Variants in IGF1R observed in about 807,000 individuals in gnomAD.
The protein encoded by IGF1R is insulin like growth factor 1 receptor.
IGF1R carries 44 observed loss-of-function variants against 144.6 expected under a neutral mutation model. The ratio of observed to expected loss-of-function variants is 0.30; its 90% CI spans 0.24 to 0.39. The LOEUF is 0.39. Ranked by LOEUF, IGF1R falls within the 10% of genes least tolerant of loss-of-function variation. IGF1R has a pLI of 1.00. For synonymous variants in IGF1R, 795 were observed against 722.8 expected, an observed-to-expected ratio of 1.10 and a Z score of -1.60; for missense variants, 1,355 against 1,833.7, an observed-to-expected ratio of 0.74 and a Z score of 4.77.
At chr15:98,668,131 C>G (rs2052791843) in intron 1 of IGF1R, among the ~76,000 whole-genome samples, 1 of 152,118 alleles carries the variant, frequency 6.6e-6, no homozygotes, top group Admixed American at 6.5e-5. Context: ...CATGTGTCCT[C>G]ACAGGGTGGA....
intron 2 of IGF1R, among the ~76,000 whole-genome samples, chr15:98,748,476 G>C (rs989836477): frequency 4.6e-5 from 7 of 152,178 alleles, no homozygotes; most frequent in Non-Finnish European, 8.8e-5. Flanking sequence ...CATGCAGTCC[G>C]TGTACACTTT....
intron 1 of IGF1R, among the ~76,000 whole-genome samples, chr15:98,698,273 G>A (rs1351879202): frequency 2.0e-5 from 3 of 151,726 alleles, no homozygotes; most frequent in Non-Finnish European, 2.9e-5. Flanking sequence ...TCCTGACCTC[G>A]TGATCCGCCT....
intron 18 of IGF1R, among the ~76,000 whole-genome samples, chr15:98,939,972 C>T (rs900910637): frequency 6.6e-6 from 1 of 152,224 alleles, no homozygotes; most frequent in African/African-American, 2.4e-5. Flanking sequence ...GCTCACCAGC[C>T]TACTGGTTAG....
chr15:98,702,033 GTT>G (rs35793845), intron 1 of IGF1R, among the ~76,000 whole-genome samples: 2 of 108,714 alleles, frequency 1.8e-5, no homozygotes, highest in Non-Finnish European at 3.5e-5. Context: ...GAGTCACGCT[GTT>G]TTTTTTTTTT....
rs759861876 is a variant in IGF1R, at chr15:98,922,309, C to G, written c.2363C>G (p.Thr788Ser). ...FESRVDNKER[T>S]VISNLRPFTL... ...AGCAGAGTGGATAACAAGGAGAGAA[C>G]TGTCATTTCTAACCTTCGGCCTTTC... The change falls in exon 11 of 21, where the codon ACT becomes AGT. Residue 788 changes from threonine (T) to serine (S), a missense_variant. Thr to Ser is a moderately conservative substitution (Grantham distance 58, BLOSUM62 1). This residue lies in a region of IGF1R where 880 missense variants were observed against 1,202.7 expected (regional missense o/e 0.73). Coordinates refer to ENST00000650285, the MANE Select transcript of IGF1R (RefSeq NM_000875.5). 6.2e-7 allele frequency: 1 copy of G among 1,614,158 alleles called. No homozygotes were observed. The highest frequency in any genetic ancestry group is 8.5e-7 in the Non-Finnish European group (1 of 1,180,018).
chr15:98,784,093 G>T (rs1410919934), intron 2 of IGF1R, among the ~76,000 whole-genome samples: 1 of 142,084 alleles, frequency 7.0e-6, no homozygotes, highest in Non-Finnish European at 1.5e-5. Flanking sequence ...TCCTGCCTCA[G>T]CCTCCCAAGT....
intron 2 of IGF1R, among the ~76,000 whole-genome samples, chr15:98,821,263 T>C (rs1272451303): frequency 6.6e-6 from 1 of 151,724 alleles, no homozygotes; most frequent in Admixed American, 6.6e-5. Flanking sequence ...TTTATAGTTG[T>C]CTTTTATTTT....
rs559036791 is a variant in IGF1R, at chr15:98,774,970, C to T, written c.640+66863C>T. Among the ~76,000 whole-genome samples the T allele has an allele frequency of 2.9e-4, 44 of 152,286 alleles. 1 individual carries two copies. In the South Asian group the frequency reaches 6.6e-3, roughly 23 times the overall value. On this transcript the variant is annotated intron_variant, in intron 2 of 20. Coordinates refer to ENST00000650285, the MANE Select transcript of IGF1R (RefSeq NM_000875.5). ...ACTTACTAGTTACGTAGCTCAGGAA[C>T]CTGGAACCAGACTCCTTCTCCAGCT... is the stretch of plus-strand genomic sequence containing the variant.
chr15:98,757,272 T>C (rs2055178564), intron 2 of IGF1R, among the ~76,000 whole-genome samples: 1 of 152,162 alleles, frequency 6.6e-6, no homozygotes, highest in Non-Finnish European at 1.5e-5. Context: ...CAAGTGGTTC[T>C]CCTGCCTCAG....
At chr15:98,755,946 T>G (rs2055144896) in intron 2 of IGF1R, among the ~76,000 whole-genome samples, 1 of 152,134 alleles carries the variant, frequency 6.6e-6, no homozygotes, top group Non-Finnish European at 1.5e-5. Flanking sequence ...TTGCTTTTAT[T>G]TGGTGGTGTA....
At chr15:98,786,465 G>A (rs894592766) in intron 2 of IGF1R, among the ~76,000 whole-genome samples, 3 of 152,072 alleles carry the variant, frequency 2.0e-5, no homozygotes, top group African/African-American at 4.8e-5. Flanking sequence ...GTGCTGCAGC[G>A]AATGGCCAGG....
At chr15:98,655,436 A>G (rs2052462362) in intron 1 of IGF1R, among the ~76,000 whole-genome samples, 2 of 151,696 alleles carry the variant, frequency 1.3e-5, no homozygotes, top group African/African-American at 4.8e-5. Flanking sequence ...CTTATGTTTT[A>G]TTTTCAAATC....
chr15:98,663,428 T>A (rs2052647190), intron 1 of IGF1R, among the ~76,000 whole-genome samples: 1 of 152,212 alleles, frequency 6.6e-6, no homozygotes, highest in South Asian at 2.1e-4. Context: ...TCAACTTTTT[T>A]AAAGAATAGC....
intron 1 of IGF1R, among the ~76,000 whole-genome samples, chr15:98,694,805 C>A (rs1385590998): frequency 2.6e-5 from 4 of 152,130 alleles, no homozygotes; most frequent in Admixed American, 2.6e-4. Context: ...AGAATGGGTG[C>A]GCCGAAGTCG....
At chr15:98,724,950 G>C (rs1380906901) in intron 2 of IGF1R, among the ~76,000 whole-genome samples, 1 of 152,240 alleles carries the variant, frequency 6.6e-6, no homozygotes, top group African/African-American at 2.4e-5. Context: ...CACCTGCCCT[G>C]TGTAATTCTC....
In IGF1R at chr15:98,919,190, C is replaced by T. The variant is rs570204986; in HGVS notation, c.2201+2314C>T. Among the ~76,000 whole-genome samples, 4 of 152,352 alleles carry T rather than the reference C, an allele frequency of 2.6e-5. No homozygotes were observed. The South Asian group carries it at 8.3e-4, about 32-fold the overall frequency. On this transcript the variant is annotated intron_variant, in intron 10 of 20. Transcript: ENST00000650285. ...CCGTTTGGGACCTGGTCCTCATTCC[C>T]ACACACCGACTCTTTTCCCCCTCTT... is the stretch of plus-strand genomic sequence containing the variant.
intron 2 of IGF1R, among the ~76,000 whole-genome samples, chr15:98,865,746 G>C (rs918465921): frequency 2.0e-5 from 3 of 152,332 alleles, no homozygotes; most frequent in Middle Eastern, 6.8e-3. Flanking sequence ...TGGTGGATCC[G>C]TCTCACAGCA....
In IGF1R at chr15:98,771,796, T is replaced by C. The variant is rs72769837; in HGVS notation, c.640+63689T>C. ...GATTGTTTGCTTATTGGTTTGGTTA[T>C]TGGCAATTGCTACAAAGTCCAGGGT... On this transcript the variant is annotated intron_variant, in intron 2 of 20. Transcript: ENST00000650285. Among the ~76,000 whole-genome samples, 830 of 152,292 alleles carry C rather than the reference T, an allele frequency of 5.5e-3. 1 individual carries two copies. Among genetic ancestry groups the C allele is most frequent in the Non-Finnish European group, 9.5e-3 (645 of 68,016 alleles).
At chr15:98,817,077 C>T (rs1277486267) in intron 2 of IGF1R, among the ~76,000 whole-genome samples, 3 of 152,106 alleles carry the variant, frequency 2.0e-5, no homozygotes, top group African/African-American at 7.2e-5. Flanking sequence ...CCAAGACAGG[C>T]GGATCACCTG....
Sources: allele counts gnomAD v4.1 joint callset (sites outside exome capture counted in the v4.1 genomes callset), GRCh38; gene constraint gnomAD v4.1.1; regional missense constraint gnomAD v4.1.1; transcripts MANE v1.5; gene names NCBI Gene and HGNC (gene_info 2026-07-23, HGNC 2026-07-21).